ASAP1: variants seen among roughly 807,000 people sequenced by gnomAD.
The protein encoded by ASAP1 is arf-GAP with SH3 domain, ANK repeat and PH domain-containing protein 1.
In ASAP1, 43 loss-of-function variants were observed where a neutral mutation model predicts 145.2. That is an observed-to-expected ratio of 0.30 (90% CI 0.23 to 0.38). The LOEUF (loss-of-function observed/expected upper bound fraction) is 0.38, where lower values mean the gene tolerates loss of function less well. Among genes scored for constraint, ASAP1 ranks in the 10% least tolerant of loss-of-function variants. The pLI, the probability that ASAP1 is intolerant of heterozygous loss-of-function variation, is 1.00. For missense variants in ASAP1, 1,018 were observed against 1,355.3 expected, an observed-to-expected ratio of 0.75 and a Z score of 3.91; for synonymous variants, 546 against 515.5, an observed-to-expected ratio of 1.06 and a Z score of -0.80.
intron 17 of ASAP1, among the ~76,000 whole-genome samples, chr8:130,124,752 A>C (rs965368035): frequency 2.0e-5 from 3 of 152,164 alleles, no homozygotes; most frequent in African/African-American, 7.2e-5. Flanking sequence ...TTGAGGGAAA[A>C]AGTCTTGGGT....
chr8:130,131,447 T>C (rs916735158), intron 15 of ASAP1, among the ~76,000 whole-genome samples: 1 of 151,552 alleles, frequency 6.6e-6, no homozygotes, highest in African/African-American at 2.4e-5. Flanking sequence ...CAAAACAAAG[T>C]TCCCCTCTCA....
intron 24 of ASAP1, among the ~76,000 whole-genome samples, chr8:130,095,181 A>G (rs762175769): frequency 1.3e-5 from 2 of 152,014 alleles, no homozygotes; most frequent in Non-Finnish European, 2.9e-5. Context: ...TGACTCTCCC[A>G]TAAGACTGGG....
chr8:130,216,827 T>A (rs1816957492), intron 4 of ASAP1, among the ~76,000 whole-genome samples: 1 of 152,188 alleles, frequency 6.6e-6, no homozygotes, highest in African/African-American at 2.4e-5. Flanking sequence ...ACTCTTGATC[T>A]TCTTCCCATT....
rs1278340320 is a variant in ASAP1 at position 130,066,616 on chromosome 8, T to C, written c.2702-5547A>G. Among the ~76,000 whole-genome samples the C allele has an allele frequency of 9.2e-5, 14 of 151,360 alleles. 1 individual carries two copies. Among genetic ancestry groups the C allele is most frequent in the African/African-American group, 3.4e-4 (14 of 41,058 alleles). On this transcript the variant is annotated intron_variant, in intron 27 of 29. Coordinates refer to ENST00000518721, the MANE Select transcript of ASAP1 (RefSeq NM_018482.4). ...TCTCTCTCCTTCCTTCCTTGTTTCT[T>C]TTTCTTTCATTCATTCATTCATTCA...
At chr8:130,303,451 A>G (rs1822799568) in intron 3 of ASAP1, among the ~76,000 whole-genome samples, 1 of 152,164 alleles carries the variant, frequency 6.6e-6, no homozygotes, top group African/African-American at 2.4e-5. Flanking sequence ...ACTAATTGCC[A>G]GTATCCCCTC....
At chr8:130,200,745 C>T (rs977422231) in intron 5 of ASAP1, among the ~76,000 whole-genome samples, 4 of 152,000 alleles carry the variant, frequency 2.6e-5, no homozygotes, top group African/African-American at 4.8e-5. Flanking sequence ...TATTTTTGTA[C>T]GTACAAAGTT....
chr8:130,430,825 C>A (rs1048682062), intron 1 of ASAP1, among the ~76,000 whole-genome samples: 1 of 152,172 alleles, frequency 6.6e-6, no homozygotes, highest in South Asian at 2.1e-4. Context: ...GGAGTCTTCT[C>A]TCTTCTCAAG....
At chr8:130,390,489 T>G (rs76825705) in intron 2 of ASAP1, among the ~76,000 whole-genome samples, 1 of 152,238 alleles carries the variant, frequency 6.6e-6, no homozygotes, top group Non-Finnish European at 1.5e-5. Context: ...AATATGCTAT[T>G]AGGAATATAT....
At chr8:130,420,383 T>C (rs1295303136) in intron 1 of ASAP1, among the ~76,000 whole-genome samples, 1 of 151,954 alleles carries the variant, frequency 6.6e-6, no homozygotes, top group Non-Finnish European at 1.5e-5. Context: ...AGTCAAAACA[T>C]GGGTTATCAG....
chr8:130,134,911 GC>G (rs2097590992), intron 14 of ASAP1, among the ~76,000 whole-genome samples: 2 of 152,182 alleles, frequency 1.3e-5, no homozygotes, highest in South Asian at 4.1e-4. Context: ...CCATGGGGTA[GC>G]CCCAACACCC....
At chr8:130,072,040 G>C (rs1431032391) in intron 27 of ASAP1, among the ~76,000 whole-genome samples, 1 of 152,156 alleles carries the variant, frequency 6.6e-6, no homozygotes, top group Non-Finnish European at 1.5e-5. Flanking sequence ...CCCAAGGCAG[G>C]ACTCTATTCC....
chr8:130,082,585 C>T (rs2097483262), intron 25 of ASAP1, among the ~76,000 whole-genome samples: 2 of 151,062 alleles, frequency 1.3e-5, no homozygotes, highest in Admixed American at 1.3e-4. Context: ...CTCACTGCAG[C>T]CTTAAACTCC....
chr8:130,357,995 C>T, intron 3 of ASAP1, 22 bp downstream of exon 3: 3 of 1,592,984 alleles, frequency 1.9e-6, no homozygotes, highest in Non-Finnish European at 2.6e-6. Flanking sequence ...GCGTGGACGG[C>T]GGGGGTCCCG....
intron 3 of ASAP1, among the ~76,000 whole-genome samples, chr8:130,261,155 C>T (rs1243353420): frequency 6.6e-6 from 1 of 152,188 alleles, no homozygotes; most frequent in Non-Finnish European, 1.5e-5. Flanking sequence ...CCTGCATGCT[C>T]TCTCATATTC....
intron 5 of ASAP1, among the ~76,000 whole-genome samples, chr8:130,207,449 G>A (rs1325619430): frequency 6.6e-6 from 1 of 152,138 alleles, no homozygotes; most frequent in Non-Finnish European, 1.5e-5. Flanking sequence ...AACTCCAAGA[G>A]GATACGGCCC....
chr8:130,213,476 G>A (rs979151916), intron 5 of ASAP1, among the ~76,000 whole-genome samples: 1 of 152,082 alleles, frequency 6.6e-6, no homozygotes, highest in Non-Finnish European at 1.5e-5. Flanking sequence ...GTATCTAATG[G>A]ATTATGACAA....
intron 3 of ASAP1, among the ~76,000 whole-genome samples, chr8:130,321,831 C>T (rs1018652784): frequency 6.6e-6 from 1 of 152,180 alleles, no homozygotes; most frequent in African/African-American, 2.4e-5. Context: ...ACTACTTCCC[C>T]TAGTATGAGA....
At chr8:130,247,073 A>C (rs1257300385) in intron 3 of ASAP1, 1 of 152,204 alleles carries the variant, frequency 6.6e-6, no homozygotes, top group Non-Finnish European at 1.5e-5. Context: ...GACCTGTGTC[A>C]CTGCTTGGCT....
chr8:130,059,444 T>C (rs948271547), intron 28 of ASAP1, among the ~76,000 whole-genome samples: 1 of 151,988 alleles, frequency 6.6e-6, no homozygotes, highest in Non-Finnish European at 1.5e-5. Context: ...AAATTACAGA[T>C]GTGAGCCACT....
Sources: gnomAD v4.1 joint callset for allele counts (sites outside exome capture counted in the v4.1 genomes callset) on GRCh38, gnomAD v4.1.1 for gene constraint, MANE v1.5 for transcripts, NCBI Gene and HGNC (gene_info 2026-07-23, HGNC 2026-07-21) for gene names.